TYW1B: variants seen among roughly 807,000 people sequenced by gnomAD.
TYW1B encodes tRNA-yW synthesizing protein 1 homolog B.
Under a neutral mutation model 86.9 loss-of-function variants are expected in TYW1B, and 73 were observed. The ratio of observed to expected loss-of-function variants is 0.84; its 90% CI spans 0.70 to 1.02. The LOEUF (loss-of-function observed/expected upper bound fraction) is 1.02. Among genes scored for constraint, TYW1B ranks in the 50% least tolerant of loss-of-function variants. The pLI, the probability that TYW1B is intolerant of heterozygous loss-of-function variation, is 0.00. For missense variants in TYW1B, 637 were observed against 827.4 expected, an observed-to-expected ratio of 0.77 and a Z score of 2.82; for synonymous variants, 248 against 292.8, an observed-to-expected ratio of 0.85 and a Z score of 1.56.
In TYW1B at chr7:72,812,698, G is replaced by T. The variant is rs183593298; in HGVS notation, c.238-2033C>A. On this transcript the variant is annotated intron_variant, in intron 3 of 13. Transcript: ENST00000620995. ...AGCCACATCTTGCTTGCTGCCTTTT[G>T]GGGTTTTTTTTTTTTTTTTGAGACA... 6.5e-3 allele frequency among the ~76,000 whole-genome samples: 989 copies of T among 151,212 alleles called. 14 individuals carry two copies. Among genetic ancestry groups the T allele is most frequent in the African/African-American group, 0.021 (854 of 41,228 alleles).
intron 10 of TYW1B, among the ~76,000 whole-genome samples, chr7:72,709,046 G>A (rs1814679568): frequency 6.6e-6 from 1 of 152,168 alleles, no homozygotes; most frequent in African/African-American, 2.4e-5. Context: ...CCCAAGCCAG[G>A]AGGACTGCTC....
intron 11 of TYW1B, among the ~76,000 whole-genome samples, chr7:72,669,932 A>AAAAT (rs78712037): frequency 0.073 from 10,347 of 140,890 alleles, 428 homozygotes; most frequent in African/African-American, 0.089. Context: ...CCATTTCTAC[A>AAAAT]AAATAAATAA....
intron 7 of TYW1B, among the ~76,000 whole-genome samples, chr7:72,773,258 G>GA (rs1314053487): frequency 6.6e-6 from 1 of 152,180 alleles, no homozygotes; most frequent in Non-Finnish European, 1.5e-5. Context: ...TACAGTTGCT[G>GA]AAAATCATAG....
At chr7:72,658,857 ATTATAG>A (rs1813266230) in intron 11 of TYW1B, among the ~76,000 whole-genome samples, 3 of 152,066 alleles carry the variant, frequency 2.0e-5, no homozygotes, top group African/African-American at 7.2e-5. Context: ...AGCAGCTTGG[ATTATAG>A]ACGTGCACCA....
At chr7:72,811,175 C>G (rs28498114) in intron 3 of TYW1B, among the ~76,000 whole-genome samples, 115,791 of 149,858 alleles carry the variant, frequency 0.77, 45,123 homozygotes, top group East Asian at 0.8. Flanking sequence ...GGAGGCTAAG[C>G]CAAGAGAATG....
chr7:72,787,664 G>A (rs1173746775), intron 6 of TYW1B, among the ~76,000 whole-genome samples: 12 of 151,846 alleles, frequency 7.9e-5, no homozygotes, highest in South Asian at 6.3e-4. Context: ...CCAGCTACTC[G>A]GGAGGCTGAG....
At chr7:72,824,673 G>A (rs1341911097) in intron 2 of TYW1B, among the ~76,000 whole-genome samples, 3 of 151,252 alleles carry the variant, frequency 2.0e-5, no homozygotes, top group Non-Finnish European at 4.4e-5. Flanking sequence ...CCCAGGAGGC[G>A]GAGGTTGTGG....
At chr7:72,816,873 T>C (rs576370404) in intron 2 of TYW1B, among the ~76,000 whole-genome samples, 10 of 152,260 alleles carry the variant, frequency 6.6e-5, no homozygotes, top group African/African-American at 2.4e-4. Context: ...CACCCCTCCA[T>C]AGCTGGCCCT....
intron 6 of TYW1B, among the ~76,000 whole-genome samples, chr7:72,801,953 C>A (rs1300219712): frequency 6.6e-6 from 1 of 152,134 alleles, no homozygotes; most frequent in Non-Finnish European, 1.5e-5. Flanking sequence ...TCTTTCTAAC[C>A]ATCTACAACA....
rs367703153 is a variant in TYW1B, at chr7:72,607,375, G to C, written c.1785+9297C>G. 4.9e-4 allele frequency among the ~76,000 whole-genome samples: 64 copies of C among 131,702 alleles called. 1 individual carries two copies. The highest frequency in any genetic ancestry group is 1.7e-3 in the African/African-American group (62 of 35,972). The allele number at this position is 131,702 out of a possible 152,430, so 86.4% of individuals were successfully genotyped here. On this transcript the variant is annotated intron_variant, in intron 13 of 13. Transcript: ENST00000620995. ...CCACTGGATTCCAGCCTGGATGACA[G>C]AGTGAGATTCTGTCTCTCAAAAAAA...
At chr7:72,820,881 A>C (rs1344692985) in intron 2 of TYW1B, among the ~76,000 whole-genome samples, 1 of 152,228 alleles carries the variant, frequency 6.6e-6, no homozygotes, top group Admixed American at 6.5e-5. Flanking sequence ...GGCGGTGTCA[A>C]AGCTGTGAGA....
chr7:72,819,874 G>C (rs1554480129), intron 2 of TYW1B, among the ~76,000 whole-genome samples: 1 of 152,116 alleles, frequency 6.6e-6, no homozygotes, highest in Non-Finnish European at 1.5e-5. Flanking sequence ...CTAGAGAGAA[G>C]GGGCAGGTCA....
At chr7:72,676,141 G>A (rs527406407) in intron 11 of TYW1B, among the ~76,000 whole-genome samples, 4 of 152,230 alleles carry the variant, frequency 2.6e-5, no homozygotes, top group African/African-American at 7.2e-5. Context: ...TCCCAGAAAC[G>A]ATCACCTCCA....
intron 11 of TYW1B, among the ~76,000 whole-genome samples, chr7:72,647,598 A>T (rs1554442205): frequency 6.6e-6 from 1 of 152,184 alleles, no homozygotes; most frequent in Non-Finnish European, 1.5e-5. Context: ...GTCAATCTAG[A>T]TGTGACTCTC....
chr7:72,650,476 A>C lies in TYW1B; in HGVS notation c.1507-21479T>G, dbSNP rs181450981. ...AGTAGACCACACTTACACTAACATT[A>C]GGATGCCAAAAATTAAGCCTTCCAT... On this transcript the variant is annotated intron_variant, in intron 11 of 13. Transcript: ENST00000620995. Among the ~76,000 whole-genome samples, 41 of 152,306 alleles carry C rather than the reference A, an allele frequency of 2.7e-4. 1 individual carries two copies. Among genetic ancestry groups the C allele is most frequent in the Admixed American group, 1.9e-3 (29 of 15,288 alleles).
chr7:72,678,619 CTTTTTTTTTTT>C (rs56738372), intron 11 of TYW1B, among the ~76,000 whole-genome samples: 1 of 110,432 alleles, frequency 9.1e-6, no homozygotes, highest in African/African-American at 3.3e-5. Flanking sequence ...AATTCCAGCA[CTTTTTTTTTTT>C]TTTTTTTTTT....
At chr7:72,626,223 C>G (rs1812346953) in intron 12 of TYW1B, among the ~76,000 whole-genome samples, 1 of 150,294 alleles carries the variant, frequency 6.7e-6, no homozygotes, top group Non-Finnish European at 1.5e-5. Context: ...TTCCCACCTC[C>G]CCACCCCTCT....
At chr7:72,605,211 C>G (rs1288274953) in intron 13 of TYW1B, among the ~76,000 whole-genome samples, 3 of 152,108 alleles carry the variant, frequency 2.0e-5, no homozygotes, top group Non-Finnish European at 4.4e-5. Context: ...TAGGGTGATA[C>G]AGATCATAAG....
At chr7:72,687,665 G>A (rs1814040114) in intron 11 of TYW1B, among the ~76,000 whole-genome samples, 1 of 151,940 alleles carries the variant, frequency 6.6e-6, no homozygotes, top group South Asian at 2.1e-4. Context: ...TCAAAAACAA[G>A]CAAAACAAAA....
Sources: allele counts gnomAD v4.1 joint callset (sites outside exome capture counted in the v4.1 genomes callset), GRCh38; gene constraint gnomAD v4.1.1; transcripts MANE v1.5; gene names NCBI Gene and HGNC (gene_info 2026-07-23, HGNC 2026-07-21).